SCML4: variants seen among roughly 807,000 people sequenced by gnomAD.
The protein encoded by SCML4 is Scm polycomb group protein like 4.
A neutral mutation model predicts 41.1 loss-of-function variants in SCML4; 34 were observed. That is an observed-to-expected ratio of 0.83 (90% CI 0.63 to 1.10). The LOEUF is 1.10. SCML4 is among the 50% of genes least tolerant of loss of function. The probability of loss-of-function intolerance (pLI) is 0.00; values close to 1 mark genes in which losing one functional copy is unlikely to be tolerated. For synonymous variants in SCML4, 214 were observed against 220.9 expected (o/e 0.97, Z 0.28); for missense variants, 522 against 534.1 (o/e 0.98, Z 0.22).
At chr6:107,748,975 G>T (rs1336938246) in intron 3 of SCML4, among the ~76,000 whole-genome samples, 1 of 152,180 alleles carries the variant, frequency 6.6e-6, no homozygotes, top group African/African-American at 2.4e-5. Context: ...AGAGCAGTGG[G>T]GTGACCCACA....
chr6:107,838,830 A>G, the SCML4 span, among the ~76,000 whole-genome samples: 1 of 152,208 alleles, frequency 6.6e-6, no homozygotes, highest in Non-Finnish European at 1.5e-5. Context: ...AATAATCACT[A>G]AAGATTGATT....
At chr6:107,809,106 G>T (rs1459147014) in intron 1 of SCML4, among the ~76,000 whole-genome samples, 2 of 151,668 alleles carry the variant, frequency 1.3e-5, no homozygotes, top group Non-Finnish European at 2.9e-5. Flanking sequence ...GCTTGAGGGT[G>T]AAGGGAGCAC....
chr6:107,714,691 G>T (rs1209045751), intron 6 of SCML4, among the ~76,000 whole-genome samples: 2 of 152,186 alleles, frequency 1.3e-5, no homozygotes, highest in Non-Finnish European at 2.9e-5. Context: ...AGTCTTAACT[G>T]CCTGCTCTAT....
At chr6:107,802,921 T>G (rs1440736876) in intron 1 of SCML4, among the ~76,000 whole-genome samples, 1 of 151,848 alleles carries the variant, frequency 6.6e-6, no homozygotes, top group Non-Finnish European at 1.5e-5. Flanking sequence ...TTTTCGTATT[T>G]TTTTGGTGGA....
chr6:107,719,029 T>G (rs936951571), intron 6 of SCML4: 1 of 152,234 alleles, frequency 6.6e-6, no homozygotes, highest in African/African-American at 2.4e-5. Flanking sequence ...GACAAACCTA[T>G]GAAATCAAGG....
Position 107,738,091 on chromosome 6 carries a change from A to AAG in SCML4, c.682+6857_682+6858insCT, listed in dbSNP as rs200451708. 4.0e-3 allele frequency among the ~76,000 whole-genome samples: 606 copies of AAG among 152,300 alleles called. 6 individuals are homozygous for AAG. In the East Asian group the frequency reaches 0.053, roughly 13 times the overall value. ...TTTTTAAATTTTAACACTCAAAGGC[A>AAG]ACAACAATTTTCCCCGTGGTCATCT... On this transcript the variant is annotated intron_variant, in intron 5 of 7. Coordinates refer to ENST00000369020, the MANE Select transcript of SCML4 (RefSeq NM_198081.5).
chr6:107,715,885 T>C (rs1774733691), intron 6 of SCML4, among the ~76,000 whole-genome samples: 2 of 152,082 alleles, frequency 1.3e-5, no homozygotes, highest in Admixed American at 1.3e-4. Context: ...GTCTCTTCCA[T>C]GGTTTATGAC....
Position 107,717,172 on chromosome 6 carries a change from A to AAAAAT in SCML4, c.973+3530_973+3531insATTTT, listed in dbSNP as rs1321916871. Among the ~76,000 whole-genome samples, 16 of 112,764 alleles carry AAAAAT rather than the reference A, an allele frequency of 1.4e-4. 2 individuals are homozygous for AAAAAT. The highest frequency in any genetic ancestry group is 4.2e-4 in the African/African-American group (12 of 28,528). 74.0% of individuals were successfully genotyped at this position (112,764 alleles called of 152,430 possible). On this transcript the variant is annotated intron_variant, in intron 6 of 7. Coordinates refer to ENST00000369020, the MANE Select transcript of SCML4 (RefSeq NM_198081.5). ...AAAAAAAAAAAAAAAAAAAAAAAAA[A>AAAAAT]AGCCAGGTGTGGTGGCAGGCACCTG...
intron 5 of SCML4, among the ~76,000 whole-genome samples, chr6:107,722,786 C>T (rs926130634): frequency 2.0e-5 from 3 of 152,032 alleles, no homozygotes; most frequent in Non-Finnish European, 2.9e-5. Flanking sequence ...AGATGTGATA[C>T]AGATAAGTAG....
chr6:107,778,340 T>G (rs1027327703), intron 1 of SCML4, among the ~76,000 whole-genome samples: 3 of 148,742 alleles, frequency 2.0e-5, no homozygotes, highest in African/African-American at 7.5e-5. Flanking sequence ...TGGACTTCAG[T>G]GCAGTGAATA....
In SCML4 at chr6:107,812,425, ACCTCC is replaced by A. The variant is rs1418745006; in HGVS notation, c.-60+11696_-60+11700del. Reference sequence around the variant, plus strand: ...CTTTGTGATATTTGCCATGTCCGATACCTCCTCTGATGTTTAATTTTATGTTTCAA... The same window carrying A: ...CTTTGTGATATTTGCCATGTCCGATATCTGATGTTTAATTTTATGTTTCAA... On this transcript the variant is annotated intron_variant, in intron 1 of 7. Transcript: ENST00000369020. Among the ~76,000 whole-genome samples the A allele has an allele frequency of 2.6e-5, 4 of 152,042 alleles. No homozygotes were observed. The East Asian group carries it at 7.7e-4, about 29-fold the overall frequency.
chr6:107,821,237 CTG>C (rs1450721463), intron 1 of SCML4, among the ~76,000 whole-genome samples: 1 of 152,116 alleles, frequency 6.6e-6, no homozygotes, highest in African/African-American at 2.4e-5. Flanking sequence ...TATATGATAT[CTG>C]TACCAAGCCG....
At chr6:107,732,874 A>G (rs758599011) in intron 5 of SCML4, among the ~76,000 whole-genome samples, 5 of 152,158 alleles carry the variant, frequency 3.3e-5, no homozygotes, top group Non-Finnish European at 7.3e-5. Context: ...GAAAATGCTG[A>G]AGTTCCTGGA....
At chr6:107,743,792 T>C (rs780206611) in intron 5 of SCML4, 2 of 152,090 alleles carry the variant, frequency 1.3e-5, no homozygotes, top group African/African-American at 2.4e-5. Flanking sequence ...AAAAGCAAAA[T>C]TGTAGGAAAG....
chr6:107,789,958 G>C (rs1470551596), intron 1 of SCML4, among the ~76,000 whole-genome samples: 1 of 152,096 alleles, frequency 6.6e-6, no homozygotes, highest in South Asian at 2.1e-4. Context: ...ATATTATTAC[G>C]TACTCCCACC....
At chr6:107,844,065 G>T in the SCML4 span, among the ~76,000 whole-genome samples, 1 of 152,178 alleles carries the variant, frequency 6.6e-6, no homozygotes, top group Non-Finnish European at 1.5e-5. Context: ...AGTATGAAAA[G>T]ACAGAACAAA....
chr6:107,771,740 A>G (rs929639433), intron 2 of SCML4, among the ~76,000 whole-genome samples: 1 of 152,196 alleles, frequency 6.6e-6, no homozygotes, highest in Non-Finnish European at 1.5e-5. Flanking sequence ...GCCTGCTCAC[A>G]TTATTAATTT....
intron 2 of SCML4, among the ~76,000 whole-genome samples, chr6:107,753,903 GT>G (rs1341351808): frequency 1.3e-5 from 2 of 152,152 alleles, no homozygotes; most frequent in Non-Finnish European, 2.9e-5. Context: ...GAATACAAAG[GT>G]TTGAATGCTG....
chr6:107,749,951 G>T, intron 2 of SCML4, 138 bp from the exon 3 acceptor site: 1 of 811,000 alleles, frequency 1.2e-6, no homozygotes, highest in Admixed American at 2.4e-5. Flanking sequence ...TTCGGGGCCT[G>T]AGCTGCAGAT....
Sources: allele counts gnomAD v4.1 joint callset (sites outside exome capture counted in the v4.1 genomes callset), GRCh38; gene constraint gnomAD v4.1.1; transcripts MANE v1.5; gene names NCBI Gene and HGNC (gene_info 2026-07-23, HGNC 2026-07-21).